The following COL11A1 variants were observed in gnomAD, a reference collection of about 807,000 sequenced individuals.
The protein encoded by COL11A1 is collagen type XI alpha 1 chain, also known as collagen alpha-1(XI) chain.
A neutral mutation model predicts 265.2 loss-of-function variants in COL11A1; 74 were observed. The ratio of observed to expected loss-of-function variants is 0.28; its 90% CI spans 0.23 to 0.34. COL11A1 has a LOEUF of 0.34. COL11A1 is among the 10% of genes least tolerant of loss of function. The probability of loss-of-function intolerance (pLI) is 1.00; values close to 1 mark genes in which losing one functional copy is unlikely to be tolerated. For missense variants in COL11A1, 2,165 were observed against 2,263.6 expected (o/e 0.96, Z 0.88); for synonymous variants, 816 against 727.6 (o/e 1.12, Z -1.96).
At chr1:103,000,439 A>G (rs757026494) in intron 24 of COL11A1, among the ~76,000 whole-genome samples, 2 of 152,076 alleles carry the variant, frequency 1.3e-5, no homozygotes, top group Non-Finnish European at 2.9e-5. Context: ...TTAGAATATT[A>G]ACCAAAAGAG....
intron 23 of COL11A1, 126 bp downstream of exon 23, chr1:103,002,302 T>G: frequency 1.1e-6 from 1 of 921,284 alleles, no homozygotes; most frequent in Non-Finnish European, 1.7e-6. Context: ...AAGTATGTAT[T>G]TTCCTACATT....
At chr1:103,084,372 T>C (rs1404830118) in intron 1 of COL11A1, among the ~76,000 whole-genome samples, 1 of 152,110 alleles carries the variant, frequency 6.6e-6, no homozygotes, top group Non-Finnish European at 1.5e-5. Context: ...CTCCCACATA[T>C]ATGCCTAAAA....
intron 24 of COL11A1, among the ~76,000 whole-genome samples, chr1:102,999,945 T>C (rs569985496): frequency 1.2e-3 from 177 of 151,992 alleles, no homozygotes; most frequent in African/African-American, 4.1e-3. Flanking sequence ...CTTTCTCCTT[T>C]TGATGGTAAG....
intron 49 of COL11A1, among the ~76,000 whole-genome samples, chr1:102,916,892 T>C (rs1435676147): frequency 6.6e-6 from 1 of 151,932 alleles, no homozygotes; most frequent in African/African-American, 2.4e-5. Flanking sequence ...TGTAATGATG[T>C]TAGTGATGTT....
At chr1:103,003,112 A>T in intron 21 of COL11A1, 103 bp downstream of exon 21, 1 of 1,131,198 alleles carries the variant, frequency 8.8e-7, no homozygotes, top group Non-Finnish European at 1.3e-6. Context: ...CAAACATAAC[A>T]AGGCAATAAA....
Position 103,108,293 on chromosome 1 carries a change from G to T in COL11A1, c.-115C>A. On this transcript the variant is annotated 5_prime_UTR_variant, in exon 1 of 67. Coordinates refer to ENST00000370096, the MANE Select transcript of COL11A1 (RefSeq NM_001854.4). ...GTTTGCTACACAGCCATTGGGGAGGGAGAGGGGGAAAAAGTCAAAGGGCTT... is the reference window on the plus strand; with the variant it reads ...GTTTGCTACACAGCCATTGGGGAGGTAGAGGGGGAAAAAGTCAAAGGGCTT... 1.3e-6 allele frequency: 1 copy of T among 794,246 alleles called. No homozygotes were observed. The highest frequency in any genetic ancestry group is 2.2e-6 in the Non-Finnish European group (1 of 457,082). The allele number at this position is 794,246 out of a possible 1,614,324, so 49.2% of individuals were successfully genotyped here. A position where few individuals can be genotyped will look rare whatever the true frequency, so the allele number is the denominator to read the frequency against.
At chr1:103,091,090 A>G (rs534221526) in intron 1 of COL11A1, among the ~76,000 whole-genome samples, 1 of 152,232 alleles carries the variant, frequency 6.6e-6, no homozygotes, top group South Asian at 2.1e-4. Context: ...ATACACTGAT[A>G]TCATTAGCAT....
chr1:102,962,763 A>G lies in COL11A1; in HGVS notation c.2917-3T>C. The G allele has an allele frequency of 1.9e-6, 3 of 1,613,566 alleles. No individual in the cohort carries two copies. Among genetic ancestry groups the G allele is most frequent in the Non-Finnish European group, 2.5e-6 (3 of 1,179,544 alleles). ...GGACCAGTCTCACCGGTTGGTCCCT[A>G]AATTAGATAAGCAAAATCACTTTAG... On this transcript the variant is annotated splice_region_variant and splice_polypyrimidine_tract_variant and intron_variant, in intron 38 of 66. Transcript: ENST00000370096.
At chr1:103,090,723 A>G (rs1673251374) in intron 1 of COL11A1, among the ~76,000 whole-genome samples, 1 of 152,218 alleles carries the variant, frequency 6.6e-6, no homozygotes, top group South Asian at 2.1e-4. Flanking sequence ...TAAAAATATT[A>G]TCTAAAATTA....
rs149842131 is a variant in COL11A1, at chr1:102,976,289, C to CTTTTTTTTTTTTTTTTT, written c.2755-1423_2755-1407dup. On this transcript the variant is annotated intron_variant, in intron 35 of 66. Coordinates refer to ENST00000370096, the MANE Select transcript of COL11A1 (RefSeq NM_001854.4). ...TATAAAATTTCACAGAAAACGTTGG[C>CTTTTTTTTTTTTTTTTT]TTTTTTTTTTTTTTTTTTTTTTTTT... is the stretch of plus-strand genomic sequence containing the variant. 1.4e-4 allele frequency among the ~76,000 whole-genome samples: 8 copies of CTTTTTTTTTTTTTTTTT among 58,602 alleles called. 3 individuals are homozygous for CTTTTTTTTTTTTTTTTT. Among genetic ancestry groups the CTTTTTTTTTTTTTTTTT allele is most frequent in the East Asian group, 6.4e-4 (1 of 1,552 alleles). 38.4% of individuals were successfully genotyped at this position (58,602 alleles called of 152,430 possible).
intron 63 of COL11A1, among the ~76,000 whole-genome samples, chr1:102,883,821 C>A (rs1650585552): frequency 6.6e-6 from 1 of 150,756 alleles, no homozygotes; most frequent in Non-Finnish European, 1.5e-5. Context: ...AAAAAAAAAA[C>A]TTCTTGCAAT....
intron 46 of COL11A1, among the ~76,000 whole-genome samples, chr1:102,929,981 G>A (rs1657185598): frequency 6.6e-6 from 1 of 152,112 alleles, no homozygotes; most frequent in Non-Finnish European, 1.5e-5. Context: ...TCAGCTTAAG[G>A]AGATTTTGGG....
intron 4 of COL11A1, among the ~76,000 whole-genome samples, chr1:103,047,655 T>C (rs1479222563): frequency 6.6e-6 from 1 of 152,198 alleles, no homozygotes; most frequent in African/African-American, 2.4e-5. Flanking sequence ...ATAGGAGTGG[T>C]GAGAGAGGGC....
intron 13 of COL11A1, 55 bp downstream of exon 13, chr1:103,014,456 T>C: frequency 4.4e-6 from 6 of 1,376,640 alleles, no homozygotes; most frequent in South Asian, 2.3e-5. Context: ...TACACACATA[T>C]ATACTTGATA....
intron 63 of COL11A1, 42 bp downstream of exon 63, chr1:102,886,765 A>T (rs1570629003): frequency 6.2e-7 from 1 of 1,613,306 alleles, no homozygotes; most frequent in East Asian, 2.2e-5. Flanking sequence ...TCAGAAACTC[A>T]GGGGCTCGGT....
At chr1:103,031,582 GTC>G (rs1668000889) in intron 4 of COL11A1, among the ~76,000 whole-genome samples, 1 of 151,970 alleles carries the variant, frequency 6.6e-6, no homozygotes, top group Non-Finnish European at 1.5e-5. Context: ...AATTTTAAAA[GTC>G]AACACATTTT....
At chr1:103,026,910 C>A (rs765023908) in intron 5 of COL11A1, among the ~76,000 whole-genome samples, 65 of 151,958 alleles carry the variant, frequency 4.3e-4, no homozygotes, top group African/African-American at 1.4e-3. Flanking sequence ...AAAATAAAAT[C>A]TAAAATGTAT....
At chr1:102,912,070 C>T (rs1474255916) in intron 54 of COL11A1, 89 bp downstream of exon 54, 1 of 1,068,196 alleles carries the variant, frequency 9.4e-7, no homozygotes, top group African/African-American at 1.6e-5. Flanking sequence ...ATTCTTATAA[C>T]ATGCTGCCTG....
intron 4 of COL11A1, among the ~76,000 whole-genome samples, chr1:103,057,413 G>A (rs1410703445): frequency 6.6e-6 from 1 of 152,098 alleles, no homozygotes; most frequent in Non-Finnish European, 1.5e-5. Context: ...CTGACATCTT[G>A]AATGCTTCAA....
Sources: allele counts gnomAD v4.1 joint callset (sites outside exome capture counted in the v4.1 genomes callset), GRCh38; gene constraint gnomAD v4.1.1; transcripts MANE v1.5; gene names NCBI Gene and HGNC (gene_info 2026-07-23, HGNC 2026-07-21).